The following HNRNPUL2 variants were observed in gnomAD, a reference collection of about 807,000 sequenced individuals.
HNRNPUL2 encodes heterogeneous nuclear ribonucleoprotein U-like protein 2.
HNRNPUL2 carries 27 observed loss-of-function variants against 102.2 expected under a neutral mutation model. The ratio of observed to expected loss-of-function variants is 0.26; its 90% CI spans 0.19 to 0.36. HNRNPUL2 has a LOEUF of 0.36. HNRNPUL2 is among the 10% of genes least tolerant of loss of function. The pLI is 1.00. For missense variants in HNRNPUL2, 936 were observed against 981.1 expected, an observed-to-expected ratio of 0.95 and a Z score of 0.61; for synonymous variants, 458 against 387.2, an observed-to-expected ratio of 1.18 and a Z score of -2.15.
At position 62,713,571 on chromosome 11, in the gene HNRNPUL2, G is replaced by A. The variant is rs1174918664; in HGVS notation, c.*1728C>T. The A allele has an allele frequency of 1.3e-5, 2 of 152,248 alleles. No homozygotes were observed. The highest frequency in any genetic ancestry group is 4.8e-5 in the African/African-American group (2 of 41,456). The allele number at this position is 152,248 out of a possible 1,614,324, so 9.4% of individuals were successfully genotyped here. A position where few individuals can be genotyped will look rare whatever the true frequency, so the allele number is the denominator to read the frequency against. Reference sequence around the variant, plus strand: ...CAGCCCCATTCCAGCCTTGGGGTCAGAGGTATTTGGGCGGAAGGGTGTGTC... The same window carrying A: ...CAGCCCCATTCCAGCCTTGGGGTCAAAGGTATTTGGGCGGAAGGGTGTGTC... On this transcript the variant is annotated 3_prime_UTR_variant, in exon 14 of 14. Coordinates refer to ENST00000301785, the MANE Select transcript of HNRNPUL2 (RefSeq NM_001079559.3).
At chr11:62,716,914 T>A (rs117747961) in intron 11 of HNRNPUL2, 75 bp downstream of exon 11, 1 of 1,527,072 alleles carries the variant, frequency 6.5e-7, no homozygotes, top group Non-Finnish European at 9.0e-7. Context: ...TTCCTTGGCC[T>A]TCCCTTGCAC....
chr11:62,716,828 G>A (rs1285755154), intron 11 of HNRNPUL2, among the ~76,000 whole-genome samples, 161 bp downstream of exon 11: 1 of 152,184 alleles, frequency 6.6e-6, no homozygotes, highest in East Asian at 1.9e-4. Context: ...ACAAGAAAAA[G>A]GCAGGGATAA....
At chr11:62,716,340 GCTC>G (rs2083660227) in intron 11 of HNRNPUL2, among the ~76,000 whole-genome samples, 1 of 152,182 alleles carries the variant, frequency 6.6e-6, no homozygotes, top group Non-Finnish European at 1.5e-5. Context: ...TCTGTAATCA[GCTC>G]CTCAAGGGCG....
Position 62,727,230 on chromosome 11 carries a change from GCCGCCGCCGCCGCCCGCCT to G in HNRNPUL2, c.-93_-75del, listed in dbSNP as rs1289587015. ...GTCGACCGAGTCCGACCGCGCAGGC[GCCGCCGCCGCCGCCCGCCT>G]CCGCCTCACGCGCCAGCACTGAGCC... On this transcript the variant is annotated 5_prime_UTR_variant, in exon 1 of 14. Transcript: ENST00000301785. The G allele has an allele frequency of 2.1e-5, 27 of 1,268,592 alleles. No individual in the cohort carries two copies. The highest frequency in any genetic ancestry group is 2.6e-5 in the Non-Finnish European group (26 of 1,005,010). 78.6% of individuals were successfully genotyped at this position (1,268,592 alleles called of 1,614,324 possible).
At chr11:62,726,507 G>A (rs969525411) in intron 1 of HNRNPUL2, 112 bp downstream of exon 1, 10 of 1,087,120 alleles carry the variant, frequency 9.2e-6, no homozygotes, top group Non-Finnish European at 1.3e-5. Flanking sequence ...TCCATCAAAT[G>A]GCACTTTGAG....
rs746596459 is a variant in HNRNPUL2, at chr11:62,726,902, GTCC to G, written c.252_254del (p.Glu84del). 475 of 1,551,030 alleles carry G rather than the reference GTCC, an allele frequency of 3.1e-4. No individual in the cohort carries two copies. The highest frequency in any genetic ancestry group is 1.0e-3 in the East Asian group (41 of 40,682). ...CCTCGTCCTCAAGCAGCGCCTCCTC[GTCC>G]TCCTCCTCCTCCTCTTCGTCCTCCT... On this transcript the variant is annotated inframe_deletion, in exon 1 of 14. Coordinates refer to ENST00000301785, the MANE Select transcript of HNRNPUL2 (RefSeq NM_001079559.3).
chr11:62,721,994 T>C (rs772375785), intron 7 of HNRNPUL2, 52 bp from the exon 8 acceptor site: 1 of 1,610,096 alleles, frequency 6.2e-7, no homozygotes, highest in Non-Finnish European at 8.5e-7. Context: ...GGGTCATGTT[T>C]ATCAAAACCA....
intron 9 of HNRNPUL2, 91 bp downstream of exon 9, chr11:62,721,204 A>G: frequency 1.7e-6 from 2 of 1,210,260 alleles, no homozygotes. Flanking sequence ...CCAGATGGTC[A>G]TAATTAGGTA....
Position 62,713,871 on chromosome 11 carries a change from G to A in HNRNPUL2, c.*1428C>T, listed in dbSNP as rs2083637812. 1 of 152,270 alleles carries A rather than the reference G, an allele frequency of 6.6e-6. No homozygotes were observed. The highest frequency in any genetic ancestry group is 6.5e-5 in the Admixed American group (1 of 15,280). 9.4% of individuals were successfully genotyped at this position (152,270 alleles called of 1,614,324 possible). On this transcript the variant is annotated 3_prime_UTR_variant, in exon 14 of 14. Transcript: ENST00000301785. ...AAAACTGAAGCTAGACATTGAAAGA[G>A]CATTCCATATCCCACCCATATTCTT...
rs755038436 is a variant in HNRNPUL2, at chr11:62,726,793, CGGCCTCCATGGCTGCCGCCTCCGG to C, written c.340_363del (p.Pro114_Ala121del). Reference sequence around the variant, plus strand: ...TTCTCGGAAGCATCTGGCTCGGCCGCGGCCTCCATGGCTGCCGCCTCCGGGGGCTCCGGCGGCGGCTGCGCGGCC... The same window carrying C: ...TTCTCGGAAGCATCTGGCTCGGCCGCGGGCTCCGGCGGCGGCTGCGCGGCC... On this transcript the variant is annotated inframe_deletion, in exon 1 of 14. Coordinates refer to ENST00000301785, the MANE Select transcript of HNRNPUL2 (RefSeq NM_001079559.3). 1.9e-5 allele frequency: 30 copies of C among 1,599,206 alleles called. No individual in the cohort carries two copies. The highest frequency in any genetic ancestry group is 1.7e-4 in the Admixed American group (10 of 59,902).
rs2083644005 is a variant in HNRNPUL2, at chr11:62,714,504, T to C, written c.*795A>G. ...GGCTGCAATCCCATTCTCCCCAAGATTTTACAGGAATTAATCAATGGGTCT... is the reference window on the plus strand; with the variant it reads ...GGCTGCAATCCCATTCTCCCCAAGACTTTACAGGAATTAATCAATGGGTCT... On this transcript the variant is annotated 3_prime_UTR_variant, in exon 14 of 14. Coordinates refer to ENST00000301785, the MANE Select transcript of HNRNPUL2 (RefSeq NM_001079559.3). 1 of 152,118 alleles carries C rather than the reference T, an allele frequency of 6.6e-6. No homozygotes were observed. Among genetic ancestry groups the C allele is most frequent in the Non-Finnish European group, 1.5e-5 (1 of 68,022 alleles). 9.4% of individuals were successfully genotyped at this position (152,118 alleles called of 1,614,324 possible).
intron 9 of HNRNPUL2, 121 bp from the exon 10 acceptor site, chr11:62,720,312 G>A (rs1383413069): frequency 2.2e-5 from 18 of 827,812 alleles, no homozygotes; most frequent in South Asian, 8.1e-5. Context: ...TTGGGAGGCC[G>A]AGGTGGGCAG....
intron 11 of HNRNPUL2, 31 bp from the exon 12 acceptor site, chr11:62,715,968 A>G: frequency 2.6e-6 from 4 of 1,545,612 alleles, no homozygotes; most frequent in Non-Finnish European, 3.5e-6. Context: ...GCGCTCAGAC[A>G]GCTGGCATGG....
In HNRNPUL2 at chr11:62,724,375, C is replaced by G; in HGVS notation, c.590G>C (p.Arg197Pro). Residue 197 changes from arginine (R) to proline (P), a missense_variant, in exon 2 of 14, where the codon CGG (arginine) becomes CCG (proline). Arg to Pro is a moderately radical substitution (Grantham distance 103). Around this residue, in one of 2 missense-constraint regions of HNRNPUL2, gnomAD observed 609 missense variants for 713.0 expected, o/e 0.85. Coordinates refer to ENST00000301785, the MANE Select transcript of HNRNPUL2 (RefSeq NM_001079559.3). ...KSKPAGSDGE[R>P]RGVKRQRDEK... ...ATCCCGCTGTCTCTTTACCCCCCGC[C>G]GCTCACCATCTGAGCCTGCTGGTTT... is the stretch of plus-strand genomic sequence containing the variant. 6.2e-7 allele frequency: 1 copy of G among 1,614,162 alleles called. No individual in the cohort carries two copies. Among genetic ancestry groups the G allele is most frequent in the Admixed American group, 1.7e-5 (1 of 60,010 alleles).
chr11:62,722,637 C>T lies in HNRNPUL2; in HGVS notation c.1059G>A (p.Gln353=), dbSNP rs1312933517. 3 of 1,614,178 alleles carry T rather than the reference C, an allele frequency of 1.9e-6. No individual in the cohort carries two copies. The Admixed American group carries it at 5.0e-5, about 27-fold the overall frequency. The change falls in exon 6 of 14, where the codon CAG becomes CAA. Residue 353 remains glutamine (Q), a synonymous_variant. Transcript: ENST00000301785. ...CAATAACATCATTCTCCCCAAAAGTCTGGCCAAATTCCTCAAATTGTCCAT... is the reference window on the plus strand; with the variant it reads ...CAATAACATCATTCTCCCCAAAAGTTTGGCCAAATTCCTCAAATTGTCCAT... The part of the protein sequence containing the change: ...AENGQFEEFG[Q]TFGENDVIGC...
rs753580483 is a variant in HNRNPUL2, at chr11:62,717,188, G to T, written c.1782C>A (p.Ala594=). The change falls in exon 11 of 14, where the codon GCC becomes GCA. Residue 594 remains alanine, a splice_region_variant and synonymous_variant. Transcript: ENST00000301785. ...CGCATTTTTCAGGCAAAGAGAAGTTGGCTATAAGAGTAAGAGAGAAGCTTG... is the reference window on the plus strand; with the variant it reads ...CGCATTTTTCAGGCAAAGAGAAGTTTGCTATAAGAGTAAGAGAGAAGCTTG... ...VPESIMLEMK[A]NFSLPEKCDY... 15 of 1,612,976 alleles carry T rather than the reference G, an allele frequency of 9.3e-6. No individual in the cohort carries two copies. In the Admixed American group the frequency reaches 1.7e-4, roughly 18 times the overall value.
chr11:62,721,742 T>C, intron 8 of HNRNPUL2, 78 bp downstream of exon 8: 1 of 1,484,320 alleles, frequency 6.7e-7, no homozygotes, highest in East Asian at 2.3e-5. Flanking sequence ...CTCAGACACT[T>C]GAGACTAATT....
In HNRNPUL2 at chr11:62,727,151, C is replaced by T. The variant is rs915187324; in HGVS notation, c.6G>A (p.Glu2=). The T allele has an allele frequency of 7.0e-7, 1 of 1,438,038 alleles. No homozygotes were observed. Among genetic ancestry groups the T allele is most frequent in the Non-Finnish European group, 9.1e-7 (1 of 1,097,508 alleles). 89.1% of individuals were successfully genotyped at this position (1,438,038 alleles called of 1,614,324 possible). M[E]VKRLKVTELR... ...GCTCGGTCACTTTCAGCCGCTTCAC[C>T]TCCATCGCCGCCGCCGCCTCCTCCG... Residue 2 remains glutamate (E), a synonymous_variant, in exon 1 of 14, where the codon GAG becomes GAA. Transcript: ENST00000301785.
rs552062456 is a variant in HNRNPUL2, at chr11:62,727,004, G to A, written c.153C>T (p.Ala51=). The A allele has an allele frequency of 2.3e-5, 31 of 1,361,944 alleles. No homozygotes were observed. The highest frequency in any genetic ancestry group is 2.7e-5 in the Non-Finnish European group (29 of 1,059,648). 84.4% of individuals were successfully genotyped at this position (1,361,944 alleles called of 1,614,324 possible). A position where few individuals can be genotyped will look rare whatever the true frequency, so the allele number is the denominator to read the frequency against. The change falls in exon 1 of 14, where the codon GCC becomes GCT. Residue 51 remains alanine, a synonymous_variant. Coordinates refer to ENST00000301785, the MANE Select transcript of HNRNPUL2 (RefSeq NM_001079559.3). ...MLEDEAGGGG[A]GPGGACKAEP... ...CCGCCTTGCAGGCCCCGCCGGGCCC[G>A]GCCCCGCCGCCGCCGGCCTCGTCCT... is the stretch of plus-strand genomic sequence containing the variant.
Sources: allele counts gnomAD v4.1 joint callset (sites outside exome capture counted in the v4.1 genomes callset), GRCh38; gene constraint gnomAD v4.1.1; regional missense constraint gnomAD v4.1.1; transcripts MANE v1.5; gene names NCBI Gene and HGNC (gene_info 2026-07-23, HGNC 2026-07-21).